PPP1R3G: variants seen among roughly 807,000 people sequenced by gnomAD.
The protein encoded by PPP1R3G is protein phosphatase 1, regulatory (inhibitor) subunit 3G.
A neutral mutation model predicts 2.0 loss-of-function variants in PPP1R3G; 3 were observed. The observed-to-expected ratio is 1.47, with a 90% confidence interval of 0.67 to 3.81. The LOEUF (loss-of-function observed/expected upper bound fraction) is 3.81, where lower values mean the gene tolerates loss of function less well. Among genes scored for constraint, PPP1R3G ranks in the 30% most tolerant of loss-of-function variants. PPP1R3G has a pLI of 0.02. For synonymous variants in PPP1R3G, 267 were observed against 250.9 expected (o/e 1.06, Z -0.61); for missense variants, 595 against 517.0 (o/e 1.15, Z -1.46).
rs754786761 is a variant in PPP1R3G at position 5,086,595 on chromosome 6, G to A, written c.*33G>A. 6.2e-6 allele frequency: 9 copies of A among 1,445,662 alleles called. No individual in the cohort carries two copies. The highest frequency in any genetic ancestry group is 7.3e-6 in the Non-Finnish European group (8 of 1,092,072). The allele number at this position is 1,445,662 out of a possible 1,614,324, so 89.6% of individuals were successfully genotyped here. On this transcript the variant is annotated 3_prime_UTR_variant, in exon 1 of 1. Transcript: ENST00000405617. ...GAGTTTCGAAGAGCCGTGGGGCGGG[G>A]TTGATTAGCACGTGGAGCTCGGGCT...
In PPP1R3G at chr6:5,086,802, G is replaced by C; in HGVS notation, c.*240G>C. 1.8e-6 allele frequency: 1 copy of C among 551,604 alleles called. No individual in the cohort carries two copies. Among genetic ancestry groups the C allele is most frequent in the Admixed American group, 3.5e-5 (1 of 28,510 alleles). The allele number at this position is 551,604 out of a possible 1,614,324, so 34.2% of individuals were successfully genotyped here. A position where few individuals can be genotyped will look rare whatever the true frequency, so the allele number is the denominator to read the frequency against. On this transcript the variant is annotated 3_prime_UTR_variant, in exon 1 of 1. Transcript: ENST00000405617. ...CTGACCTCAGTCTTCTCGTCCGTTTGACCTTCCTACAAGGCCTCTAGAATT... is the reference window on the plus strand; with the variant it reads ...CTGACCTCAGTCTTCTCGTCCGTTTCACCTTCCTACAAGGCCTCTAGAATT...
At position 5,085,879 on chromosome 6, in the gene PPP1R3G, G is replaced by T. The variant is rs1323248105; in HGVS notation, c.394G>T (p.Val132Leu). The change falls in exon 1 of 1, where the codon GTG (valine) becomes TTG (leucine). Residue 132 changes from valine to leucine, a missense_variant. Transcript: ENST00000405617. ...GGCCAKCKKR[V>L]QFADTLGLSL... ...CTGCTGCGCCAAGTGCAAGAAGCGG[G>T]TGCAGTTCGCGGACACGCTGGGGCT... 6.5e-7 allele frequency: 1 copy of T among 1,531,534 alleles called. No individual in the cohort carries two copies. Among genetic ancestry groups the T allele is most frequent in the Admixed American group, 2.0e-5 (1 of 50,844 alleles). 94.9% of individuals were successfully genotyped at this position (1,531,534 alleles called of 1,614,324 possible).
At position 5,086,554 on chromosome 6, in the gene PPP1R3G, G is replaced by C; in HGVS notation, c.1069G>C (p.Ala357Pro). 6.6e-7 allele frequency: 1 copy of C among 1,522,186 alleles called. No individual in the cohort carries two copies. Among genetic ancestry groups the C allele is most frequent in the Non-Finnish European group, 8.8e-7 (1 of 1,136,754 alleles). The allele number at this position is 1,522,186 out of a possible 1,614,324, so 94.3% of individuals were successfully genotyped here. ...YTLRYARPAD[A>P]L is the part of the protein sequence containing the mutation. ...GCTGCGCTACGCGCGCCCTGCGGAC[G>C]CGCTCTGAGCCTGGAGAGTTTCGAA... The change falls in exon 1 of 1, where the codon GCG becomes CCG. Residue 357 changes from alanine to proline, a missense_variant. Ala to Pro is a conservative substitution (Grantham distance 27, BLOSUM62 -1). Coordinates refer to ENST00000405617, the MANE Select transcript of PPP1R3G (RefSeq NM_001145115.3).
Position 5,086,317 on chromosome 6 carries a change from G to C in PPP1R3G, c.832G>C (p.Glu278Gln). 2.0e-6 allele frequency: 3 copies of C among 1,535,750 alleles called. No homozygotes were observed. The highest frequency in any genetic ancestry group is 2.6e-6 in the Non-Finnish European group (3 of 1,146,718). Residue 278 changes from glutamate (E) to glutamine (Q), a missense_variant, in exon 1 of 1, where the codon GAG becomes CAG. Physicochemically the swap from Glu to Gln is conservative, Grantham distance 29 (BLOSUM62 2). Coordinates refer to ENST00000405617, the MANE Select transcript of PPP1R3G (RefSeq NM_001145115.3). The stretch of plus-strand genomic sequence containing the variant: ...CGAGCCGCTGGAGCCACAGCAGCCA[G>C]AGGCACCGTCTGGGGCCTCCGAGCC... Reference protein sequence around the residue: ...QPEPLEPQQPEAPSGASEPGS... With the variant: ...QPEPLEPQQPQAPSGASEPGS...
rs961222351 is a variant in PPP1R3G, at chr6:5,085,361, G to A, written c.-125G>A. ...AACTACGTTGTCTTGTCGAGCCTGG[G>A]GCGACTCGCCTCGGGGAGGGCGAGC... On this transcript the variant is annotated 5_prime_UTR_variant, in exon 1 of 1. Coordinates refer to ENST00000405617, the MANE Select transcript of PPP1R3G (RefSeq NM_001145115.3). 3 of 682,324 alleles carry A rather than the reference G, an allele frequency of 4.4e-6. No individual in the cohort carries two copies. Among genetic ancestry groups the A allele is most frequent in the Non-Finnish European group, 7.2e-6 (3 of 418,566 alleles). The allele number at this position is 682,324 out of a possible 1,614,324, so 42.3% of individuals were successfully genotyped here. A position where few individuals can be genotyped will look rare whatever the true frequency, so the allele number is the denominator to read the frequency against.
At position 5,089,158 on chromosome 6, in the gene PPP1R3G, T is replaced by C. The variant is rs1762125988; in HGVS notation, c.*2596T>C. 6.6e-6 allele frequency: 1 copy of C among 152,222 alleles called. No individual in the cohort carries two copies. Among genetic ancestry groups the C allele is most frequent in the Admixed American group, 6.5e-5 (1 of 15,286 alleles). 9.4% of individuals were successfully genotyped at this position (152,222 alleles called of 1,614,324 possible). ...ATGGTCATATCAATGAACTAATGAA[T>C]ACTTAATTCATATATGCTTATAAAA... On this transcript the variant is annotated 3_prime_UTR_variant, in exon 1 of 1. Coordinates refer to ENST00000405617, the MANE Select transcript of PPP1R3G (RefSeq NM_001145115.3).
In PPP1R3G at chr6:5,088,953, T is replaced by C. The variant is rs1241838580; in HGVS notation, c.*2391T>C. On this transcript the variant is annotated 3_prime_UTR_variant, in exon 1 of 1. Transcript: ENST00000405617. ...ACTACAAAGCTGCCAGATATTTCTC[T>C]GTGCTTCAAAATGTGGCATCTTACA... is the stretch of plus-strand genomic sequence containing the variant. 1 of 152,274 alleles carries C rather than the reference T, an allele frequency of 6.6e-6. No individual in the cohort carries two copies. Among genetic ancestry groups the C allele is most frequent in the Non-Finnish European group, 1.5e-5 (1 of 68,048 alleles). The allele number at this position is 152,274 out of a possible 1,614,324, so 9.4% of individuals were successfully genotyped here. A position where few individuals can be genotyped will look rare whatever the true frequency, so the allele number is the denominator to read the frequency against.
At position 5,086,248 on chromosome 6, in the gene PPP1R3G, A is replaced by G; in HGVS notation, c.763A>G (p.Thr255Ala). The G allele has an allele frequency of 6.5e-7, 1 of 1,535,214 alleles. No homozygotes were observed. Residue 255 changes from threonine to alanine, a missense_variant, in exon 1 of 1, where the codon ACC becomes GCC. Transcript: ENST00000405617. ...PRAVTVRYTF[T>A]EWRSFLDVPA... The stretch of plus-strand genomic sequence containing the variant: ...GGCCGTGACCGTGCGCTACACCTTT[A>G]CCGAGTGGCGCTCCTTCCTGGACGT...
Position 5,087,574 on chromosome 6 carries a change from A to G in PPP1R3G, c.*1012A>G, listed in dbSNP as rs950533654. The G allele has an allele frequency of 6.6e-6, 1 of 152,348 alleles. No individual in the cohort carries two copies. The highest frequency in any genetic ancestry group is 2.4e-5 in the African/African-American group (1 of 41,476). 9.4% of individuals were successfully genotyped at this position (152,348 alleles called of 1,614,324 possible). A position where few individuals can be genotyped will look rare whatever the true frequency, so the allele number is the denominator to read the frequency against. The stretch of plus-strand genomic sequence containing the variant: ...GAGACTTGCCGGGCCATTAGCAGTC[A>G]GAGAAGCTGGGCCCTTTTAGTCGCT... On this transcript the variant is annotated 3_prime_UTR_variant, in exon 1 of 1. Transcript: ENST00000405617.
In PPP1R3G at chr6:5,086,470, G is replaced by A. The variant is rs1415534296; in HGVS notation, c.985G>A (p.Val329Ile). Residue 329 changes from valine (V) to isoleucine (I), a missense_variant, in exon 1 of 1, where the codon GTC becomes ATC. Physicochemically the swap from Val to Ile is conservative, Grantham distance 29. Coordinates refer to ENST00000405617, the MANE Select transcript of PPP1R3G (RefSeq NM_001145115.3). The stretch of plus-strand genomic sequence containing the variant: ...GCGCGGCGTCGCGGTCCACTTCGCT[G>A]TCTGCTACCGCTGCGCGCAGGGCGA... ...DERGVAVHFA[V>I]CYRCAQGEYW... 1 of 1,537,206 alleles carries A rather than the reference G, an allele frequency of 6.5e-7. No homozygotes were observed.
Position 5,088,010 on chromosome 6 carries a change from C to CCCA in PPP1R3G, c.*1449_*1450insCAC, listed in dbSNP as rs1418962447. 1 of 152,104 alleles carries CCCA rather than the reference C, an allele frequency of 6.6e-6. No homozygotes were observed. The highest frequency in any genetic ancestry group is 2.4e-5 in the African/African-American group (1 of 41,410). The allele number at this position is 152,104 out of a possible 1,614,324, so 9.4% of individuals were successfully genotyped here. On this transcript the variant is annotated 3_prime_UTR_variant, in exon 1 of 1. Coordinates refer to ENST00000405617, the MANE Select transcript of PPP1R3G (RefSeq NM_001145115.3). Reference sequence around the variant, plus strand: ...AGGGCTGGGCATACGTACATTTGGCCCATGGGCCAAATTTGGCACACAGCT... The same window carrying CCCA: ...AGGGCTGGGCATACGTACATTTGGCCCCACATGGGCCAAATTTGGCACACAGCT...
Position 5,085,439 on chromosome 6 carries a change from C to T in PPP1R3G, c.-47C>T. On this transcript the variant is annotated 5_prime_UTR_variant, in exon 1 of 1. Transcript: ENST00000405617. ...CGGCCCGAGGAGTTAGTTAAGTCTC[C>T]AGAGGGGCCCGGTTCGGCCCGAGCA... 1 of 1,409,134 alleles carries T rather than the reference C, an allele frequency of 7.1e-7. No individual in the cohort carries two copies. Among genetic ancestry groups the T allele is most frequent in the Non-Finnish European group, 9.6e-7 (1 of 1,046,342 alleles). The allele number at this position is 1,409,134 out of a possible 1,614,324, so 87.3% of individuals were successfully genotyped here.
At position 5,085,397 on chromosome 6, in the gene PPP1R3G, G is replaced by A. The variant is rs1761956507; in HGVS notation, c.-89G>A. 4 of 966,606 alleles carry A rather than the reference G, an allele frequency of 4.1e-6. No individual in the cohort carries two copies. Among genetic ancestry groups the A allele is most frequent in the Non-Finnish European group, 4.5e-6 (3 of 665,224 alleles). The allele number at this position is 966,606 out of a possible 1,614,324, so 59.9% of individuals were successfully genotyped here. On this transcript the variant is annotated 5_prime_UTR_variant, in exon 1 of 1. Coordinates refer to ENST00000405617, the MANE Select transcript of PPP1R3G (RefSeq NM_001145115.3). ...TCGGGGAGGGCGAGCCTGAACTGCA[G>A]CCCTGCGCTCCTTCCACGGCCCGAG... is the stretch of plus-strand genomic sequence containing the variant.
In PPP1R3G at chr6:5,086,199, G is replaced by C. The variant is rs746756695; in HGVS notation, c.714G>C (p.Arg238=). 2.0e-6 allele frequency: 3 copies of C among 1,534,506 alleles called. No homozygotes were observed. The highest frequency in any genetic ancestry group is 2.4e-5 in the South Asian group (2 of 83,976). The change falls in exon 1 of 1, where the codon CGG becomes CGC. Residue 238 remains arginine, a synonymous_variant. Coordinates refer to ENST00000405617, the MANE Select transcript of PPP1R3G (RefSeq NM_001145115.3). Reference sequence around the variant, plus strand: ...GCGCTGAGGTGAAGGGCTCCGGCCGGGTGCTCAGCTGCCCTGGGCCCAGGG... The same window carrying C: ...GCGCTGAGGTGAAGGGCTCCGGCCGCGTGCTCAGCTGCCCTGGGCCCAGGG... ...ASGAEVKGSG[R]VLSCPGPRAV... is the part of the protein sequence containing the mutation.
In PPP1R3G at chr6:5,085,645, C is replaced by T; in HGVS notation, c.160C>T (p.Leu54=). The T allele has an allele frequency of 9.0e-6, 14 of 1,548,868 alleles. No individual in the cohort carries two copies. Among genetic ancestry groups the T allele is most frequent in the Non-Finnish European group, 1.2e-5 (14 of 1,146,540 alleles). The stretch of plus-strand genomic sequence containing the variant: ...GGAGACCCCGAGTCCTGACGCTCAG[C>T]TAGGGGATAGGCCCCTGTCCCCGAA... The part of the protein sequence containing the change: ...ASETPSPDAQ[L]GDRPLSPKEE... The change falls in exon 1 of 1, where the codon CTA becomes TTA. Residue 54 remains leucine (L), a synonymous_variant. Transcript: ENST00000405617.
In PPP1R3G at chr6:5,086,755, C is replaced by G. The variant is rs532232350; in HGVS notation, c.*193C>G. The G allele has an allele frequency of 1.5e-4, 87 of 592,612 alleles. 3 individuals carry two copies. In the South Asian group the frequency reaches 1.8e-3, roughly 12 times the overall value. The allele number at this position is 592,612 out of a possible 1,614,324, so 36.7% of individuals were successfully genotyped here. A position where few individuals can be genotyped will look rare whatever the true frequency, so the allele number is the denominator to read the frequency against. ...AGACAAGTGAGCGAGCTTAGAGAGCCCGGGCAATGCTCCGAAAGCCTCTGA... is the reference window on the plus strand; with the variant it reads ...AGACAAGTGAGCGAGCTTAGAGAGCGCGGGCAATGCTCCGAAAGCCTCTGA... On this transcript the variant is annotated 3_prime_UTR_variant, in exon 1 of 1. Transcript: ENST00000405617.
chr6:5,087,828 G>A lies in PPP1R3G; in HGVS notation c.*1266G>A, dbSNP rs1762083060. ...TGGCCCTCTGTGCATGGGTGGGCAG[G>A]AGGGCATCCCGAGTAAGGTCTGTCG... On this transcript the variant is annotated 3_prime_UTR_variant, in exon 1 of 1. Transcript: ENST00000405617. 6.6e-6 allele frequency: 1 copy of A among 152,308 alleles called. No individual in the cohort carries two copies. Among genetic ancestry groups the A allele is most frequent in the Non-Finnish European group, 1.5e-5 (1 of 68,114 alleles). 9.4% of individuals were successfully genotyped at this position (152,308 alleles called of 1,614,324 possible). A position where few individuals can be genotyped will look rare whatever the true frequency, so the allele number is the denominator to read the frequency against.
chr6:5,085,733 G>C lies in PPP1R3G; in HGVS notation c.248G>C (p.Arg83Pro), dbSNP rs887869985. 3 of 1,543,050 alleles carry C rather than the reference G, an allele frequency of 1.9e-6. No homozygotes were observed. The highest frequency in any genetic ancestry group is 4.9e-5 in the East Asian group (2 of 40,572). Residue 83 changes from arginine to proline, a missense_variant, in exon 1 of 1, where the codon CGC (arginine) becomes CCC (proline). Arg to Pro is a moderately radical substitution (Grantham distance 103, BLOSUM62 -2). Transcript: ENST00000405617. ...LLECRRRCRA[R>P]SFSLPADPIL... ...GAATGCCGCCGCCGCTGCCGCGCGCGCTCCTTTTCCTTGCCCGCCGACCCC... is the reference window on the plus strand; with the variant it reads ...GAATGCCGCCGCCGCTGCCGCGCGCCCTCCTTTTCCTTGCCCGCCGACCCC...
rs1416580721 is a variant in PPP1R3G, at chr6:5,089,443, T to C, written c.*2881T>C. On this transcript the variant is annotated 3_prime_UTR_variant, in exon 1 of 1. Coordinates refer to ENST00000405617, the MANE Select transcript of PPP1R3G (RefSeq NM_001145115.3). ...AAGCAACATTTTGAATTGTTTTGAA[T>C]TACTTAAAATTAAATGAGGAGCCCA... The C allele has an allele frequency of 6.6e-6, 1 of 152,190 alleles. No individual in the cohort carries two copies. Among genetic ancestry groups the C allele is most frequent in the Non-Finnish European group, 1.5e-5 (1 of 68,022 alleles). 9.4% of individuals were successfully genotyped at this position (152,190 alleles called of 1,614,324 possible).
Sources: allele counts gnomAD v4.1 joint callset, GRCh38; gene constraint gnomAD v4.1.1; transcripts MANE v1.5; gene names NCBI Gene and HGNC (gene_info 2026-07-23, HGNC 2026-07-21).